Variants in SORCS2 observed in about 807,000 individuals in gnomAD.
SORCS2 encodes the protein sortilin related VPS10 domain containing receptor 2.
Under a neutral mutation model 141.6 loss-of-function variants are expected in SORCS2, and 100 were observed. That is an observed-to-expected ratio of 0.71 (90% confidence interval 0.60 to 0.83). SORCS2 has a LOEUF of 0.83. Ranked by LOEUF, SORCS2 falls within the 40% of genes least tolerant of loss-of-function variation. The probability of loss-of-function intolerance (pLI) is 0.00; values close to 1 mark genes in which losing one functional copy is unlikely to be tolerated. For missense variants in SORCS2, 1,646 were observed against 1,560.2 expected, an observed-to-expected ratio of 1.05 and a Z score of -0.93; for synonymous variants, 789 against 676.9, an observed-to-expected ratio of 1.17 and a Z score of -2.57.
intron 1 of SORCS2, among the ~76,000 whole-genome samples, chr4:7,221,211 A>G (rs1472267632): frequency 1.3e-5 from 2 of 152,074 alleles, no homozygotes; most frequent in African/African-American, 2.4e-5. Context: ...TTTTGATTTG[A>G]TGTCCTTGAG....
At chr4:7,544,063 TCCATCCAC>T (rs1481731664) in intron 3 of SORCS2, among the ~76,000 whole-genome samples, 1 of 109,944 alleles carries the variant, frequency 9.1e-6, no homozygotes, top group Non-Finnish European at 2.0e-5. Context: ...CACCCACCCA[TCCATCCAC>T]CCATCCATCC....
At chr4:7,501,299 T>C (rs539773848) in intron 2 of SORCS2, among the ~76,000 whole-genome samples, 2 of 152,308 alleles carry the variant, frequency 1.3e-5, no homozygotes, top group African/African-American at 4.8e-5. Flanking sequence ...GGTTCCTTGG[T>C]TGCAATCAAT....
In SORCS2 at chr4:7,256,344, G is replaced by A. The variant is rs1291900512; in HGVS notation, c.480+63218G>A. ...AGAATCTGGAAGTCTGTATTGTAGGGGGCTTTCCTGGTTTTAAATGTTGAC... is the reference window on the plus strand; with the variant it reads ...AGAATCTGGAAGTCTGTATTGTAGGAGGCTTTCCTGGTTTTAAATGTTGAC... On this transcript the variant is annotated intron_variant, in intron 1 of 26. Transcript: ENST00000507866. Among the ~76,000 whole-genome samples, 3 of 152,194 alleles carry A rather than the reference G, an allele frequency of 2.0e-5. No homozygotes were observed. The East Asian group carries it at 5.8e-4, about 29-fold the overall frequency.
chr4:7,263,399 AC>A (rs1714496689), intron 1 of SORCS2, among the ~76,000 whole-genome samples: 1 of 151,938 alleles, frequency 6.6e-6, no homozygotes, highest in African/African-American at 2.4e-5. Flanking sequence ...CAAAGAAAGC[AC>A]CCGTCATTCT....
At chr4:7,733,445 C>T (rs779673935) in intron 24 of SORCS2, 24 bp downstream of exon 24, 10 of 1,542,052 alleles carry the variant, frequency 6.5e-6, no homozygotes, top group South Asian at 2.4e-5. Flanking sequence ...AGCTCCCCTG[C>T]GGAATGGGTG....
intron 3 of SORCS2, among the ~76,000 whole-genome samples, chr4:7,621,178 C>T (rs1409850237): frequency 6.6e-6 from 1 of 152,142 alleles, no homozygotes; most frequent in East Asian, 1.9e-4. Context: ...TGTGGCAGCC[C>T]GCCCAGCCCT....
chr4:7,268,609 C>G (rs1417874211), intron 1 of SORCS2, among the ~76,000 whole-genome samples: 1 of 152,202 alleles, frequency 6.6e-6, no homozygotes, highest in Non-Finnish European at 1.5e-5. Flanking sequence ...GCCATGCAGA[C>G]AGTAAAGCCC....
At chr4:7,388,811 G>A (rs1035042938) in intron 1 of SORCS2, among the ~76,000 whole-genome samples, 7 of 152,146 alleles carry the variant, frequency 4.6e-5, no homozygotes, top group Admixed American at 2.0e-4. Context: ...ACAGGTGCCC[G>A]GGGCTGCCTT....
intron 1 of SORCS2, among the ~76,000 whole-genome samples, chr4:7,294,151 C>T (rs149581028): frequency 1.2e-4 from 19 of 152,242 alleles, no homozygotes; most frequent in African/African-American, 3.4e-4. Flanking sequence ...AGGTTCTGAG[C>T]GTCCTATGTG....
At chr4:7,602,419 ACTC>A (rs1320789136) in intron 3 of SORCS2, among the ~76,000 whole-genome samples, 2 of 141,734 alleles carry the variant, frequency 1.4e-5, no homozygotes, top group African/African-American at 5.4e-5. Flanking sequence ...GGGCAGAGAC[ACTC>A]CTCAGTTCCC....
chr4:7,455,831 G>A (rs1269440353), intron 2 of SORCS2, among the ~76,000 whole-genome samples: 2 of 152,194 alleles, frequency 1.3e-5, no homozygotes, highest in African/African-American at 4.8e-5. Context: ...TTGGGGTCAT[G>A]CTCTGTACTG....
intron 4 of SORCS2, among the ~76,000 whole-genome samples, chr4:7,652,519 C>T (rs1049220217): frequency 1.3e-5 from 2 of 152,154 alleles, no homozygotes; most frequent in African/African-American, 4.8e-5. Context: ...GCCCACTCCT[C>T]CCAGGTCTAG....
At chr4:7,501,371 C>T (rs1057215436) in intron 2 of SORCS2, among the ~76,000 whole-genome samples, 6 of 152,188 alleles carry the variant, frequency 3.9e-5, no homozygotes, top group East Asian at 1.9e-4. Flanking sequence ...TCCGTGATGA[C>T]GTTACCAGAC....
chr4:7,317,526 C>T (rs1295033152), intron 1 of SORCS2, among the ~76,000 whole-genome samples: 2 of 152,224 alleles, frequency 1.3e-5, no homozygotes, highest in Non-Finnish European at 2.9e-5. Context: ...CCCAGGTGGC[C>T]ACTTCTTCCT....
intron 3 of SORCS2, among the ~76,000 whole-genome samples, chr4:7,613,356 G>A (rs904760361): frequency 1.4e-4 from 22 of 152,338 alleles, no homozygotes; most frequent in African/African-American, 4.3e-4. Flanking sequence ...TCTGTTCAGC[G>A]GGGCTCTGCG....
chr4:7,584,855 A>G (rs1288074089), intron 3 of SORCS2, among the ~76,000 whole-genome samples: 1 of 152,228 alleles, frequency 6.6e-6, no homozygotes, highest in Non-Finnish European at 1.5e-5. Context: ...TATCGATGTC[A>G]TTAGCCTAAT....
chr4:7,300,364 G>A (rs895056274), intron 1 of SORCS2, among the ~76,000 whole-genome samples: 1 of 152,146 alleles, frequency 6.6e-6, no homozygotes, highest in Admixed American at 6.5e-5. Flanking sequence ...AGGGCAGAGA[G>A]AAAAAGCGAA....
At chr4:7,462,999 C>T (rs2109327910) in intron 2 of SORCS2, among the ~76,000 whole-genome samples, 1 of 152,066 alleles carries the variant, frequency 6.6e-6, no homozygotes, top group Middle Eastern at 3.4e-3. Context: ...ACCACACCTC[C>T]CTGGTCTCTG....
At chr4:7,371,955 G>A (rs1046337970) in intron 1 of SORCS2, among the ~76,000 whole-genome samples, 5 of 152,224 alleles carry the variant, frequency 3.3e-5, no homozygotes, top group African/African-American at 9.6e-5. Context: ...TCGTGGGGCC[G>A]GTGGGGGAGT....
Sources: gnomAD v4.1 joint callset for allele counts (sites outside exome capture counted in the v4.1 genomes callset) on GRCh38, gnomAD v4.1.1 for gene constraint, MANE v1.5 for transcripts, NCBI Gene and HGNC (gene_info 2026-07-23, HGNC 2026-07-21) for gene names.